WDR27: variants seen among roughly 807,000 people sequenced by gnomAD.
WDR27 encodes WD repeat domain 27, also known as WD repeat-containing protein 27.
WDR27 carries 100 observed loss-of-function variants against 114.4 expected under a neutral mutation model. The observed-to-expected ratio is 0.87, with a 90% CI of 0.74 to 1.03. The LOEUF (loss-of-function observed/expected upper bound fraction) is 1.03. Among genes scored for constraint, WDR27 ranks in the 50% least tolerant of loss-of-function variants. The pLI, the probability that WDR27 is intolerant of heterozygous loss-of-function variation, is 0.00. For synonymous variants in WDR27, 449 were observed against 423.1 expected, an observed-to-expected ratio of 1.06 and a Z score of -0.75; for missense variants, 1,129 against 1,092.9, an observed-to-expected ratio of 1.03 and a Z score of -0.47.
chr6:169,677,323 C>T (rs1001680052), intron 2 of WDR27, among the ~76,000 whole-genome samples: 1 of 152,250 alleles, frequency 6.6e-6, no homozygotes, highest in African/African-American at 2.4e-5. Context: ...AGCTTGGCTA[C>T]ATTCTGTTCA....
At chr6:169,565,907 G>A (rs1195833240) in intron 25 of WDR27, among the ~76,000 whole-genome samples, 1 of 152,136 alleles carries the variant, frequency 6.6e-6, no homozygotes, top group Non-Finnish European at 1.5e-5. Flanking sequence ...GCTTCCCAAA[G>A]TGTTGGGATT....
At position 169,660,019 on chromosome 6, in the gene WDR27, G is replaced by A. The variant is rs546953588; in HGVS notation, c.1130-501C>T. On this transcript the variant is annotated intron_variant, in intron 10 of 25. Coordinates refer to ENST00000448612, the MANE Select transcript of WDR27 (RefSeq NM_182552.5). ...AGGTCTGAGCGTTCAGGGCTAGAAAGGAGGCACCGAGAGGAGCAGTGCCCG... is the reference window on the plus strand; with the variant it reads ...AGGTCTGAGCGTTCAGGGCTAGAAAAGAGGCACCGAGAGGAGCAGTGCCCG... Among the ~76,000 whole-genome samples, 215 of 152,100 alleles carry A rather than the reference G, an allele frequency of 1.4e-3. 2 individuals carry two copies. Among genetic ancestry groups the A allele is most frequent in the Non-Finnish European group, 2.0e-3 (136 of 67,986 alleles).
chr6:169,538,472 A>G (rs1448744968), intron 25 of WDR27, among the ~76,000 whole-genome samples: 1 of 152,232 alleles, frequency 6.6e-6, no homozygotes, highest in Non-Finnish European at 1.5e-5. Flanking sequence ...GGTCACTCTT[A>G]AGAACGGATA....
intron 1 of WDR27, among the ~76,000 whole-genome samples, chr6:169,699,493 G>A (rs145542724): frequency 2.9e-4 from 44 of 152,318 alleles, no homozygotes; most frequent in African/African-American, 1.0e-3. Flanking sequence ...AAGCTGCTGT[G>A]CTCGTGAGGA....
the WDR27 span, among the ~76,000 whole-genome samples, chr6:169,444,098 G>A: frequency 6.6e-6 from 1 of 152,122 alleles, no homozygotes; most frequent in African/African-American, 2.4e-5. Flanking sequence ...CCAGTCACGT[G>A]TCCAGATGGC....
chr6:169,664,078 C>A, intron 8 of WDR27, 88 bp downstream of exon 8: 1 of 1,238,858 alleles, frequency 8.1e-7, no homozygotes. Context: ...ATCTCTCTCT[C>A]CCCTGTGTGA....
intron 25 of WDR27, among the ~76,000 whole-genome samples, chr6:169,500,810 T>C (rs1003049364): frequency 6.6e-6 from 1 of 152,174 alleles, no homozygotes; most frequent in African/African-American, 2.4e-5. Flanking sequence ...TCTGCTGACT[T>C]TGACTGGAAA....
intron 13 of WDR27, among the ~76,000 whole-genome samples, chr6:169,656,721 G>C (rs562340168): frequency 6.6e-6 from 1 of 152,320 alleles, no homozygotes; most frequent in East Asian, 1.9e-4. Flanking sequence ...TCCCAGCTCC[G>C]CATTAGGCCG....
At position 169,591,569 on chromosome 6, in the gene WDR27, G is replaced by A. The variant is rs371795842; in HGVS notation, c.2425-8635C>T. 2.0e-4 allele frequency among the ~76,000 whole-genome samples: 30 copies of A among 152,300 alleles called. No homozygotes were observed. The East Asian group carries it at 5.2e-3, about 26-fold the overall frequency. On this transcript the variant is annotated intron_variant, in intron 23 of 25. Transcript: ENST00000448612. ...ACAGGTGCCCTAGTTACCTCCAAAT[G>A]GGGACCAATGACATTTTATGTTTTT...
At chr6:169,579,824 C>T (rs950717366) in intron 24 of WDR27, among the ~76,000 whole-genome samples, 2 of 152,202 alleles carry the variant, frequency 1.3e-5, no homozygotes, top group African/African-American at 4.8e-5. Flanking sequence ...ACACACTTTG[C>T]TCGAAAAAAC....
chr6:169,675,090 G>A (rs1461417992), intron 2 of WDR27, among the ~76,000 whole-genome samples: 2 of 152,190 alleles, frequency 1.3e-5, no homozygotes, highest in Admixed American at 1.3e-4. Context: ...TGTACATGCA[G>A]GTCACAGGGG....
intron 25 of WDR27, among the ~76,000 whole-genome samples, chr6:169,558,003 G>T (rs967902267): frequency 6.6e-6 from 1 of 151,996 alleles, no homozygotes; most frequent in Non-Finnish European, 1.5e-5. Context: ...GTGTTTCTAT[G>T]ATGGCTAAGA....
intron 25 of WDR27, among the ~76,000 whole-genome samples, chr6:169,501,107 A>T (rs569566834): frequency 2.6e-5 from 4 of 152,348 alleles, no homozygotes; most frequent in African/African-American, 9.6e-5. Flanking sequence ...CACTCCTGCC[A>T]TTTGGCAAAC....
chr6:169,431,238 G>T, the WDR27 span, among the ~76,000 whole-genome samples: 1 of 152,154 alleles, frequency 6.6e-6, no homozygotes, highest in Non-Finnish European at 1.5e-5. Context: ...ATCAAAGACT[G>T]CCCCAGTCTG....
chr6:169,645,347 G>C (rs1283531701), intron 16 of WDR27, among the ~76,000 whole-genome samples: 1 of 151,628 alleles, frequency 6.6e-6, no homozygotes, highest in Non-Finnish European at 1.5e-5. Flanking sequence ...GAAATTCCTA[G>C]TTCACACGAG....
At chr6:169,534,421 C>T (rs1795984817) in intron 25 of WDR27, among the ~76,000 whole-genome samples, 1 of 152,078 alleles carries the variant, frequency 6.6e-6, no homozygotes. Flanking sequence ...TGTATTCTCT[C>T]CTCTTCTATC....
chr6:169,448,035 C>A, the WDR27 span, among the ~76,000 whole-genome samples: 1 of 152,138 alleles, frequency 6.6e-6, no homozygotes, highest in Non-Finnish European at 1.5e-5. Context: ...AAACATCTCT[C>A]AATACAAGAA....
chr6:169,541,801 A>T (rs533460936), intron 25 of WDR27, among the ~76,000 whole-genome samples: 26 of 152,344 alleles, frequency 1.7e-4, no homozygotes, highest in Admixed American at 9.8e-4. Context: ...ATATCTTGAG[A>T]CTTAAAAAAT....
intron 3 of WDR27, 175 bp downstream of exon 3, chr6:169,672,080 T>C: frequency 1.8e-6 from 1 of 570,748 alleles, no homozygotes; most frequent in Non-Finnish European, 2.9e-6. Flanking sequence ...CCTTCCCATA[T>C]AAAGCGCCTG....
Sources: allele counts gnomAD v4.1 joint callset (sites outside exome capture counted in the v4.1 genomes callset), GRCh38; gene constraint gnomAD v4.1.1; transcripts MANE v1.5; gene names NCBI Gene and HGNC (gene_info 2026-07-23, HGNC 2026-07-21).